The following MSN variants were observed in gnomAD, a reference collection of about 807,000 sequenced individuals.
The protein encoded by MSN is epididymis luminal protein 70.
Under a neutral mutation model 48.0 loss-of-function variants are expected in MSN, and 2 were observed. The observed-to-expected ratio is 0.04, with a 90% CI of 0.02 to 0.13. The LOEUF (loss-of-function observed/expected upper bound fraction) is 0.13. MSN is among the 10% of genes least tolerant of loss of function. MSN has a pLI of 1.00. For synonymous variants in MSN, 146 were observed against 166.9 expected, an observed-to-expected ratio of 0.87 and a Z score of 0.97; for missense variants, 267 against 470.1, an observed-to-expected ratio of 0.57 and a Z score of 3.99.
Position 65,672,130 on chromosome X carries a change from G to A in MSN, c.12+4277G>A, listed in dbSNP as rs140218453. Among the ~76,000 whole-genome samples, 239 of 111,897 alleles carry A rather than the reference G, an allele frequency of 2.1e-3. 1 individual carries two copies. Among genetic ancestry groups the A allele is most frequent in the Non-Finnish European group, 4.0e-3 (214 of 53,138 alleles). On this transcript the variant is annotated intron_variant, in intron 1 of 12. Transcript: ENST00000360270. ...GCAACAGCCTGTCTTAGGTCCCTTT[G>A]TATCTTTCTGGGAGTTTCCCCCACT... is the stretch of plus-strand genomic sequence containing the variant.
chrX:65,665,396 C>T (rs745614961), upstream of MSN, among the ~76,000 whole-genome samples: 1 of 111,949 alleles, frequency 8.9e-6, no homozygotes, highest in African/African-American at 3.2e-5. Context: ...TTGGGGACAA[C>T]TGCTCATGGA....
chrX:65,603,994 G>GTACT (rs61610873), intron 1 of MSN, among the ~76,000 whole-genome samples: 15,796 of 111,559 alleles, frequency 0.14, 2,742 homozygotes, highest in African/African-American at 0.49. Flanking sequence ...AGGTAATTAA[G>GTACT]TACTTATGTG....
chrX:65,650,019 G>T (rs1196570724), intron 1 of MSN, among the ~76,000 whole-genome samples: 1 of 102,509 alleles, frequency 9.8e-6, no homozygotes, highest in African/African-American at 3.6e-5. Flanking sequence ...TAGACAGGTG[G>T]TTAATATAGA....
chrX:65,622,510 G>GTCTTTT (rs2070458235), intron 1 of MSN, among the ~76,000 whole-genome samples: 3 of 66,470 alleles, frequency 4.5e-5, no homozygotes, highest in African/African-American at 1.4e-4. Context: ...AGGCATCTTT[G>GTCTTTT]TTTTTTTTTT....
At chrX:65,614,695 TA>T (rs1221618993) in intron 1 of MSN, among the ~76,000 whole-genome samples, 1 of 95,194 alleles carries the variant, frequency 1.1e-5, no homozygotes, top group Non-Finnish European at 1.9e-5. Context: ...TTTATTTATT[TA>T]TTTTTTCTTT....
At chrX:65,708,030 T>A (rs1341353185) in intron 1 of MSN, among the ~76,000 whole-genome samples, 5 of 110,953 alleles carry the variant, frequency 4.5e-5, no homozygotes, top group Non-Finnish European at 9.4e-5. Flanking sequence ...TTTTTTTTTT[T>A]AAATAGAGAT....
At chrX:65,697,433 G>A (rs1037905080) in intron 1 of MSN, among the ~76,000 whole-genome samples, 1 of 111,732 alleles carries the variant, frequency 8.9e-6, no homozygotes. Context: ...AGACAAGGGG[G>A]AGCCAGGGAG....
chrX:65,620,715 G>A (rs779445606), intron 1 of MSN, among the ~76,000 whole-genome samples: 22 of 111,314 alleles, frequency 2.0e-4, no homozygotes, highest in Admixed American at 1.6e-3. Flanking sequence ...GCTCCTATTC[G>A]GCCATCTTGG....
intron 1 of MSN, among the ~76,000 whole-genome samples, chrX:65,623,131 T>C (rs2070467438): frequency 9.2e-6 from 1 of 109,087 alleles, no homozygotes; most frequent in Non-Finnish European, 1.9e-5. Context: ...ATAATCCTTT[T>C]AATATGTGAC....
intron 1 of MSN, among the ~76,000 whole-genome samples, chrX:65,639,087 T>G (rs1440587052): frequency 8.9e-6 from 1 of 112,550 alleles, no homozygotes; most frequent in Non-Finnish European, 1.9e-5. Flanking sequence ...GGGCAGGTAT[T>G]ATAAGCTTCA....
At chrX:65,667,599 C>T (rs1202635379), upstream of MSN, 15 of 919,254 alleles carry the variant, frequency 1.6e-5, no homozygotes, top group Middle Eastern at 4.7e-4. Flanking sequence ...GGCGCGAGGG[C>T]GGGGAGCGGC....
chrX:65,601,574 G>T (rs1400261796), intron 1 of MSN, among the ~76,000 whole-genome samples: 2 of 112,760 alleles, frequency 1.8e-5, no homozygotes, highest in African/African-American at 6.4e-5. Flanking sequence ...ACGGTGGCTG[G>T]CTGGGCGGGT....
intron 12 of MSN, 36 bp downstream of exon 12, chrX:65,739,230 TG>T: frequency 8.8e-7 from 1 of 1,133,440 alleles, no homozygotes; most frequent in Non-Finnish European, 1.2e-6. Flanking sequence ...GGAAACTATA[TG>T]CATTGATTTA....
chrX:65,708,961 G>A (rs2071389144), intron 1 of MSN, among the ~76,000 whole-genome samples: 1 of 112,167 alleles, frequency 8.9e-6, no homozygotes. Context: ...GGGATTACAG[G>A]CATGAGCCAC....
intron 1 of MSN, among the ~76,000 whole-genome samples, chrX:65,633,993 C>T (rs150475518): frequency 0.016 from 1,782 of 111,489 alleles, 35 homozygotes; most frequent in African/African-American, 0.056. Context: ...CCCTTCTTCA[C>T]CTTCTTTATC....
chrX:65,716,631 C>A, intron 1 of MSN, 187 bp from the exon 2 acceptor site: 1 of 457,901 alleles, frequency 2.2e-6, no homozygotes, highest in Non-Finnish European at 4.0e-6. Context: ...TGTTTGTCTT[C>A]AATAAGCTGC....
chrX:65,606,878 G>A (rs929616165), intron 1 of MSN, among the ~76,000 whole-genome samples: 2 of 112,390 alleles, frequency 1.8e-5, no homozygotes, highest in Non-Finnish European at 3.8e-5. Context: ...GTCACTATTT[G>A]CAAGTTACTG....
chrX:65,684,083 G>A (rs901937944), intron 1 of MSN, among the ~76,000 whole-genome samples: 2 of 109,245 alleles, frequency 1.8e-5, no homozygotes, highest in African/African-American at 3.3e-5. Flanking sequence ...TGGGGTTATA[G>A]GTGCCTGCCA....
chrX:65,621,791 T>C (rs1471915261), intron 1 of MSN, among the ~76,000 whole-genome samples: 1 of 112,564 alleles, frequency 8.9e-6, no homozygotes, highest in African/African-American at 3.2e-5. Flanking sequence ...ATTTAGGTTT[T>C]CTTAAACTTA....
Sources: gnomAD v4.1 joint callset for allele counts (sites outside exome capture counted in the v4.1 genomes callset) on GRCh38, gnomAD v4.1.1 for gene constraint, MANE v1.5 for transcripts, NCBI Gene and HGNC (gene_info 2026-07-23, HGNC 2026-07-21) for gene names.